The following CFTR variants were observed in gnomAD, a reference collection of about 807,000 sequenced individuals.
CFTR encodes the protein CF transmembrane conductance regulator.
In CFTR, 181 loss-of-function variants were observed where a neutral mutation model predicts 171.6. The ratio of observed to expected loss-of-function variants is 1.05; its 90% CI spans 0.93 to 1.19. The LOEUF (loss-of-function observed/expected upper bound fraction) is 1.19, where lower values mean the gene tolerates loss of function less well. Ranked by LOEUF, CFTR falls within the 50% of genes most tolerant of loss-of-function variation. The pLI is 0.00. For missense variants in CFTR, 1,968 were observed against 1,734.7 expected, an observed-to-expected ratio of 1.13 and a Z score of -2.39; for synonymous variants, 583 against 608.0, an observed-to-expected ratio of 0.96 and a Z score of 0.60.
intron 22 of CFTR, among the ~76,000 whole-genome samples, chr7:117,641,642 C>T (rs373176940): frequency 6.6e-6 from 1 of 152,146 alleles, no homozygotes; most frequent in African/African-American, 2.4e-5. Flanking sequence ...CAAGTTCTGG[C>T]ATCTAAGCTG....
intron 10 of CFTR, among the ~76,000 whole-genome samples, chr7:117,554,956 T>G (rs1475521331): frequency 6.6e-6 from 1 of 152,178 alleles, no homozygotes; most frequent in Non-Finnish European, 1.5e-5. Context: ...TGCCTTATTC[T>G]TTTGATATAC....
At chr7:117,643,739 G>C (rs556212400) in intron 23 of CFTR, among the ~76,000 whole-genome samples, 1 of 152,292 alleles carries the variant, frequency 6.6e-6, no homozygotes, top group East Asian at 1.9e-4. Flanking sequence ...AAGCGAAAAA[G>C]AACTGGTTGA....
intron 4 of CFTR, among the ~76,000 whole-genome samples, chr7:117,532,465 T>G (rs907465646): frequency 6.6e-6 from 1 of 152,194 alleles, no homozygotes; most frequent in Admixed American, 6.5e-5. Context: ...GAACATGGTG[T>G]GAACACTGCT....
At chr7:117,569,888 G>A (rs1166847922) in intron 11 of CFTR, among the ~76,000 whole-genome samples, 1 of 152,170 alleles carries the variant, frequency 6.6e-6, no homozygotes, top group Non-Finnish European at 1.5e-5. Flanking sequence ...AGAGGGCACA[G>A]TGATAAGCAA....
chr7:117,533,266 G>A (rs1170969741), intron 4 of CFTR, among the ~76,000 whole-genome samples: 3 of 151,970 alleles, frequency 2.0e-5, no homozygotes, highest in Non-Finnish European at 4.4e-5. Flanking sequence ...TAACTGCCTT[G>A]ATTCCTTCTT....
chr7:117,648,069 G>GTATATA (rs5886870), intron 23 of CFTR, among the ~76,000 whole-genome samples: 11 of 144,538 alleles, frequency 7.6e-5, no homozygotes, highest in African/African-American at 2.8e-4. Context: ...ATGTATATAT[G>GTATATA]TATATATATA....
intron 22 of CFTR, among the ~76,000 whole-genome samples, chr7:117,630,174 T>G (rs994018082): frequency 6.6e-6 from 1 of 152,222 alleles, no homozygotes; most frequent in African/African-American, 2.4e-5. Flanking sequence ...CTAATTTTGT[T>G]TTTATAATTC....
At chr7:117,647,612 T>G (rs540198461) in intron 23 of CFTR, among the ~76,000 whole-genome samples, 6 of 150,900 alleles carry the variant, frequency 4.0e-5, no homozygotes, top group Non-Finnish European at 7.4e-5. Flanking sequence ...CCTCCAACAC[T>G]GGGAATTACA....
chr7:117,625,194 T>C (rs1792633820), intron 21 of CFTR, among the ~76,000 whole-genome samples: 1 of 152,200 alleles, frequency 6.6e-6, no homozygotes, highest in African/African-American at 2.4e-5. Flanking sequence ...TCACACGTTC[T>C]TGGCTATGCA....
chr7:117,657,604 G>A (rs1793203574), intron 24 of CFTR, among the ~76,000 whole-genome samples: 1 of 152,160 alleles, frequency 6.6e-6, no homozygotes, highest in African/African-American at 2.4e-5. Flanking sequence ...TTTTGGGTGT[G>A]TCAAACACTA....
chr7:117,480,565 G>A (rs1797986284), intron 1 of CFTR, among the ~76,000 whole-genome samples: 1 of 152,138 alleles, frequency 6.6e-6, no homozygotes, highest in South Asian at 2.1e-4. Context: ...TAAGTGCTCA[G>A]AAAACATTTC....
intron 11 of CFTR, among the ~76,000 whole-genome samples, chr7:117,583,713 T>G (rs898196720): frequency 6.6e-6 from 1 of 152,156 alleles, no homozygotes. Context: ...CTGGATCGAA[T>G]GGTAGTTCTC....
intron 24 of CFTR, among the ~76,000 whole-genome samples, chr7:117,656,671 G>T (rs1793188542): frequency 6.6e-6 from 1 of 152,124 alleles, no homozygotes; most frequent in Non-Finnish European, 1.5e-5. Context: ...TTAAAGAAAA[G>T]GGAACATAAA....
chr7:117,504,339 A>T lies in CFTR; in HGVS notation c.140A>T (p.Asp47Val). The T allele has an allele frequency of 6.3e-7, 1 of 1,598,150 alleles. No homozygotes were observed. The highest frequency in any genetic ancestry group is 8.6e-7 in the Non-Finnish European group (1 of 1,165,546). ...IYQIPSVDSA[D>V]NLSEKLEREW... ...CAAATCCCTTCTGTTGATTCTGCTG[A>T]CAATCTATCTGAAAAATTGGAAAGG... is the stretch of plus-strand genomic sequence containing the variant. The change falls in exon 2 of 27, where the codon GAC becomes GTC. Residue 47 changes from aspartate (D) to valine (V), a missense_variant. Coordinates refer to ENST00000003084, the MANE Select transcript of CFTR (RefSeq NM_000492.4).
intron 15 of CFTR, among the ~76,000 whole-genome samples, chr7:117,598,859 T>G (rs1264249901): frequency 1.3e-5 from 2 of 152,192 alleles, no homozygotes; most frequent in African/African-American, 4.8e-5. Flanking sequence ...TACAGCTACA[T>G]AGGCCATTTT....
intron 1 of CFTR, among the ~76,000 whole-genome samples, chr7:117,494,305 A>G (rs1798205351): frequency 6.6e-6 from 1 of 152,066 alleles, no homozygotes; most frequent in South Asian, 2.1e-4. Flanking sequence ...AGCTAGTGTT[A>G]GAAAGGATTT....
intron 20 of CFTR, among the ~76,000 whole-genome samples, chr7:117,613,096 A>T (rs1003165607): frequency 6.6e-6 from 1 of 152,174 alleles, no homozygotes; most frequent in African/African-American, 2.4e-5. Context: ...AGGAATATAC[A>T]TGGGCAGGCA....
At chr7:117,529,984 A>T (rs1011946420) in intron 3 of CFTR, among the ~76,000 whole-genome samples, 1 of 152,182 alleles carries the variant, frequency 6.6e-6, no homozygotes, top group African/African-American at 2.4e-5. Context: ...ATGTAACAAG[A>T]TGGGTAAGAA....
At chr7:117,660,260 T>C (rs1793250451) in intron 24 of CFTR, among the ~76,000 whole-genome samples, 1 of 152,188 alleles carries the variant, frequency 6.6e-6, no homozygotes, top group Non-Finnish European at 1.5e-5. Context: ...GAAGTCTTCT[T>C]AGTTTGGACA....
Sources: allele counts gnomAD v4.1 joint callset (sites outside exome capture counted in the v4.1 genomes callset), GRCh38; gene constraint gnomAD v4.1.1; transcripts MANE v1.5; gene names NCBI Gene and HGNC (gene_info 2026-07-23, HGNC 2026-07-21).